Variants in CLIP2 observed in about 807,000 individuals in gnomAD.
CLIP2 encodes CAP-Gly domain containing linker protein 2, also known as CAP-Gly domain-containing linker protein 2.
A neutral mutation model predicts 111.7 loss-of-function variants in CLIP2; 41 were observed. The observed-to-expected ratio is 0.37, with a 90% CI of 0.29 to 0.48. The LOEUF is 0.48. Among genes scored for constraint, CLIP2 ranks in the 20% least tolerant of loss-of-function variants. The pLI, the probability that CLIP2 is intolerant of heterozygous loss-of-function variation, is 0.99. For synonymous variants in CLIP2, 660 were observed against 644.2 expected, an observed-to-expected ratio of 1.02 and a Z score of -0.37; for missense variants, 1,160 against 1,422.1, an observed-to-expected ratio of 0.82 and a Z score of 2.96.
chr7:74,389,981 T>C, intron 13 of CLIP2, among the ~76,000 whole-genome samples: 1 of 148,962 alleles, frequency 6.7e-6, no homozygotes, highest in African/African-American at 2.5e-5. Context: ...CCTAGCTACT[T>C]GGGAGGCTGA....
intron 7 of CLIP2, among the ~76,000 whole-genome samples, 172 bp downstream of exon 7, chr7:74,360,450 A>G (rs1790296418): frequency 6.6e-6 from 1 of 152,176 alleles, no homozygotes; most frequent in Non-Finnish European, 1.5e-5. Context: ...TCCTATCTGT[A>G]AAGTGAGGTG....
At chr7:74,372,368 G>A (rs1162402728) in intron 8 of CLIP2, among the ~76,000 whole-genome samples, 4 of 133,240 alleles carry the variant, frequency 3.0e-5, no homozygotes, top group South Asian at 2.6e-4. Context: ...AACATCTTGC[G>A]TGTTATGGGT....
chr7:74,317,366 C>T (rs145791522), intron 1 of CLIP2, 114 bp from the exon 2 acceptor site: 11 of 613,168 alleles, frequency 1.8e-5, no homozygotes, highest in South Asian at 7.9e-5. Context: ...TAGGTTAAAT[C>T]GGGTGTTGCC....
chr7:74,330,476 C>T (rs1405166409), intron 2 of CLIP2, among the ~76,000 whole-genome samples: 1 of 151,896 alleles, frequency 6.6e-6, no homozygotes, highest in East Asian at 1.9e-4. Context: ...AGGCTGGTCT[C>T]GAGCTTCTGA....
intron 1 of CLIP2, among the ~76,000 whole-genome samples, chr7:74,290,254 C>T (rs901845270): frequency 6.6e-6 from 1 of 152,196 alleles, no homozygotes; most frequent in Non-Finnish European, 1.5e-5. Flanking sequence ...CCTCTGGGGT[C>T]GCCTGGCCGA....
intron 1 of CLIP2, among the ~76,000 whole-genome samples, chr7:74,307,651 T>C (rs1233736029): frequency 6.6e-6 from 1 of 152,028 alleles, no homozygotes; most frequent in Non-Finnish European, 1.5e-5. Context: ...CCACCATGCC[T>C]GGCTAATTTT....
At position 74,372,998 on chromosome 7, in the gene CLIP2, C is replaced by G. The variant is rs1414806187; in HGVS notation, c.1447C>G (p.Gln483Glu). The change falls in exon 9 of 17, where the codon CAG becomes GAG. Residue 483 changes from glutamine (Q) to glutamate (E), a missense_variant. By Grantham distance (29) the Gln-to-Glu change is conservative. Coordinates refer to ENST00000223398, the MANE Select transcript of CLIP2 (RefSeq NM_003388.5). Reference sequence around the variant, plus strand: ...ACAGAGCCTGCTACTGGAGAAGGCGCAGGCCGAGCGGCTGCTCCGAGAATT... The same window carrying G: ...ACAGAGCCTGCTACTGGAGAAGGCGGAGGCCGAGCGGCTGCTCCGAGAATT... ...LEQSLLLEKA[Q>E]AERLLRELAD... 6.3e-7 allele frequency: 1 copy of G among 1,597,806 alleles called. No individual in the cohort carries two copies. The highest frequency in any genetic ancestry group is 8.5e-7 in the Non-Finnish European group (1 of 1,174,328).
chr7:74,402,144 G>A (rs1791639977), intron 16 of CLIP2, among the ~76,000 whole-genome samples: 1 of 151,764 alleles, frequency 6.6e-6, no homozygotes, highest in Non-Finnish European at 1.5e-5. Flanking sequence ...TGGCTACCAC[G>A]GTGAAACCCC....
chr7:74,294,164 G>A (rs752301759), intron 1 of CLIP2, among the ~76,000 whole-genome samples: 10 of 152,222 alleles, frequency 6.6e-5, no homozygotes, highest in East Asian at 5.8e-4. Flanking sequence ...TGATCTGCCC[G>A]CCTTGGCCTC....
intron 4 of CLIP2, among the ~76,000 whole-genome samples, chr7:74,354,708 T>C (rs1554308173): frequency 6.6e-6 from 1 of 151,972 alleles, no homozygotes; most frequent in East Asian, 1.9e-4. Context: ...GAGGCGAAGG[T>C]TGCAGTGAGC....
chr7:74,347,487 C>T (rs1329211264), intron 3 of CLIP2, among the ~76,000 whole-genome samples: 1 of 152,138 alleles, frequency 6.6e-6, no homozygotes, highest in African/African-American at 2.4e-5. Flanking sequence ...CCAGGCTGGT[C>T]TCGATCTCCT....
chr7:74,356,115 T>C (rs1554308405), intron 4 of CLIP2, among the ~76,000 whole-genome samples: 1 of 152,204 alleles, frequency 6.6e-6, no homozygotes, highest in African/African-American at 2.4e-5. Context: ...GAAATGAGCA[T>C]TCATTTAAAG....
chr7:74,316,178 C>T (rs1482416659), intron 1 of CLIP2, among the ~76,000 whole-genome samples: 4 of 152,064 alleles, frequency 2.6e-5, no homozygotes, highest in African/African-American at 4.8e-5. Context: ...TAATGGCTTC[C>T]AACTCCATCC....
chr7:74,389,842 T>C (rs1437483025), intron 13 of CLIP2, among the ~76,000 whole-genome samples: 1 of 151,634 alleles, frequency 6.6e-6, no homozygotes, highest in Non-Finnish European at 1.5e-5. Context: ...GAGGCTGCAG[T>C]GAGCTGAGAT....
chr7:74,330,445 T>C (rs113809615), intron 2 of CLIP2, among the ~76,000 whole-genome samples: 2 of 150,228 alleles, frequency 1.3e-5, no homozygotes, highest in East Asian at 2.0e-4. Context: ...TTAGTAGAGA[T>C]GGGGTTTCGC....
chr7:74,318,877 G>T (rs541667188), intron 2 of CLIP2, among the ~76,000 whole-genome samples: 88 of 152,232 alleles, frequency 5.8e-4, no homozygotes, highest in African/African-American at 1.9e-3. Flanking sequence ...ACACAGCTGG[G>T]GCCAGACTGG....
rs782170891 is a variant in CLIP2 at position 74,400,481 on chromosome 7, C to T, written c.2992C>T (p.Arg998Trp). The T allele has an allele frequency of 3.7e-6, 6 of 1,613,674 alleles. No individual in the cohort carries two copies. Among genetic ancestry groups the T allele is most frequent in the African/African-American group, 2.7e-5 (2 of 74,942 alleles). ...HQLMSTEDAL[R>W]DALDQAQQVE... ...GCTGATGAGCACGGAGGACGCCCTG[C>T]GGGATGCGCTGGACCAGGCTCAGCA... The change falls in exon 15 of 17, where the codon CGG (arginine) becomes TGG (tryptophan). Residue 998 changes from arginine to tryptophan, a missense_variant. Physicochemically the swap from Arg to Trp is moderately radical, Grantham distance 101. Coordinates refer to ENST00000223398, the MANE Select transcript of CLIP2 (RefSeq NM_003388.5).
At position 74,338,787 on chromosome 7, in the gene CLIP2, C is replaced by T. The variant is rs1554732707; in HGVS notation, c.461C>T (p.Ser154Leu). 2.5e-6 allele frequency: 4 copies of T among 1,610,488 alleles called. No individual in the cohort carries two copies. Among genetic ancestry groups the T allele is most frequent in the Non-Finnish European group, 2.5e-6 (3 of 1,179,564 alleles). ...ACCCGGCAGCCCACGGCCGAGGGCT[C>T]GGGGAGTGATGCCCACTCCGTGGAG... The part of the protein sequence containing the change: ...KLTRQPTAEG[S>L]GSDAHSVESL... Residue 154 changes from serine (S) to leucine (L), a missense_variant, in exon 3 of 17, where the codon TCG becomes TTG. Around this residue, in one of 5 missense-constraint regions of CLIP2, gnomAD observed 301 missense variants for 315.2 expected, o/e 0.96. Coordinates refer to ENST00000223398, the MANE Select transcript of CLIP2 (RefSeq NM_003388.5). The surrounding 1 kb of genome is among the most constrained non-coding windows in gnomAD (Gnocchi z 4.3).
chr7:74,374,714 C>G (rs1471589492), intron 9 of CLIP2, among the ~76,000 whole-genome samples: 1 of 151,956 alleles, frequency 6.6e-6, no homozygotes, highest in East Asian at 1.9e-4. Flanking sequence ...GAGTGAGACT[C>G]CATCTCGAAA....
Sources: allele counts gnomAD v4.1 joint callset (sites outside exome capture counted in the v4.1 genomes callset), GRCh38; gene constraint gnomAD v4.1.1; regional missense constraint gnomAD v4.1.1; non-coding constraint Gnocchi (gnomAD v3.1); transcripts MANE v1.5; gene names NCBI Gene and HGNC (gene_info 2026-07-23, HGNC 2026-07-21).